The following SERPINB7 variants were observed in gnomAD, a reference collection of about 807,000 sequenced individuals.
SERPINB7 encodes serpin B7.
SERPINB7 carries 31 observed loss-of-function variants against 37.4 expected under a neutral mutation model. That is an observed-to-expected ratio of 0.83 (90% CI 0.62 to 1.12). SERPINB7 has a LOEUF of 1.12. Among genes scored for constraint, SERPINB7 ranks in the 50% most tolerant of loss-of-function variants. The pLI, the probability that SERPINB7 is intolerant of heterozygous loss-of-function variation, is 0.00. For missense variants in SERPINB7, 521 were observed against 455.3 expected (o/e 1.14, Z -1.31); for synonymous variants, 163 against 166.1 (o/e 0.98, Z 0.14).
At chr18:63,762,282 A>G (rs1367551606) in intron 1 of SERPINB7, among the ~76,000 whole-genome samples, 1 of 152,202 alleles carries the variant, frequency 6.6e-6, no homozygotes, top group African/African-American at 2.4e-5. Context: ...TCAAAGGGCA[A>G]ATTTATTAAA....
intron 4 of SERPINB7, among the ~76,000 whole-genome samples, chr18:63,795,576 T>TAAAAA (rs5825537): frequency 1.7e-5 from 2 of 115,780 alleles, no homozygotes; most frequent in South Asian, 2.5e-4. Flanking sequence ...AAAAAAGAAT[T>TAAAAA]AAAAAAAAAA....
At chr18:63,766,283 C>A (rs1238826750) in intron 1 of SERPINB7, among the ~76,000 whole-genome samples, 1 of 152,134 alleles carries the variant, frequency 6.6e-6, no homozygotes, top group Non-Finnish European at 1.5e-5. Flanking sequence ...TTTCTTTCAA[C>A]TAAACAAAAT....
At chr18:63,762,393 G>A (rs535332089) in intron 1 of SERPINB7, among the ~76,000 whole-genome samples, 2 of 152,242 alleles carry the variant, frequency 1.3e-5, no homozygotes, top group East Asian at 3.9e-4. Context: ...AGTCTTTGTA[G>A]GTTGATTCAG....
At chr18:63,772,408 A>G (rs2049216561), upstream of SERPINB7, among the ~76,000 whole-genome samples, 1 of 152,104 alleles carries the variant, frequency 6.6e-6, no homozygotes, top group Non-Finnish European at 1.5e-5. Context: ...TTAAAGGATA[A>G]GAAAATAGAG....
chr18:63,758,889 G>C (rs780845548), intron 1 of SERPINB7, among the ~76,000 whole-genome samples: 16 of 152,230 alleles, frequency 1.1e-4, no homozygotes, highest in Non-Finnish European at 2.1e-4. Flanking sequence ...TGTGCTGAGT[G>C]GTGGGGTCCA....
At chr18:63,772,313 A>G (rs770923416), upstream of SERPINB7, among the ~76,000 whole-genome samples, 19 of 152,222 alleles carry the variant, frequency 1.2e-4, no homozygotes, top group Non-Finnish European at 1.6e-4. Flanking sequence ...AATTAAAATT[A>G]AAGTGAGGAT....
At chr18:63,769,698 G>T (rs2049199452) in intron 1 of SERPINB7, among the ~76,000 whole-genome samples, 1 of 151,994 alleles carries the variant, frequency 6.6e-6, no homozygotes, top group Non-Finnish European at 1.5e-5. Context: ...CCCTGTTTTT[G>T]CACTACCCAG....
intron 1 of SERPINB7, 33 bp from the exon 2 acceptor site, chr18:63,782,322 G>A (rs369918504): frequency 3.4e-5 from 43 of 1,254,172 alleles, no homozygotes; most frequent in Admixed American, 7.6e-5. Context: ...AAAATGTACC[G>A]GGAACTAATT....
At chr18:63,771,410 T>C (rs1181850617), upstream of SERPINB7, among the ~76,000 whole-genome samples, 2 of 152,106 alleles carry the variant, frequency 1.3e-5, no homozygotes, top group Non-Finnish European at 2.9e-5. Context: ...TTTTATTTTA[T>C]ATCTTATTTA....
At chr18:63,803,519 G>C (rs2049571972) in intron 7 of SERPINB7, among the ~76,000 whole-genome samples, 1 of 152,180 alleles carries the variant, frequency 6.6e-6, no homozygotes, top group Non-Finnish European at 1.5e-5. Flanking sequence ...CAGTATTCAA[G>C]AGCTGGTGAA....
At chr18:63,783,214 GAGAGAGAGAGAGAGAGAGAGAAAGAA>G (rs1426285875) in intron 2 of SERPINB7, among the ~76,000 whole-genome samples, 50 of 69,974 alleles carry the variant, frequency 7.1e-4, no homozygotes, top group East Asian at 5.2e-3. Context: ...GAGAGAGAGA[GAGAGAGAGAGAGAGAGAGAGAAAGAA>G]AGAAAGAAAG....
intron 2 of SERPINB7, among the ~76,000 whole-genome samples, chr18:63,783,975 T>G (rs2049339380): frequency 6.6e-6 from 1 of 152,204 alleles, no homozygotes; most frequent in African/African-American, 2.4e-5. Context: ...TAGACTGCTG[T>G]TTTTTTCAAG....
In SERPINB7 at chr18:63,781,054, A is replaced by C. The variant is rs112477968; in HGVS notation, c.-18-1301A>C. ...CCATTTGACATAATAAAAGTTAAAA[A>C]ACTTATTTTAATTTCATTTACAATT... is the stretch of plus-strand genomic sequence containing the variant. On this transcript the variant is annotated intron_variant, in intron 1 of 7. Transcript: ENST00000398019. Among the ~76,000 whole-genome samples, 12 of 152,330 alleles carry C rather than the reference A, an allele frequency of 7.9e-5. 1 individual carries two copies. Among genetic ancestry groups the C allele is most frequent in the African/African-American group, 2.9e-4 (12 of 41,576 alleles).
Position 63,793,242 on chromosome 18 carries a change from G to A in SERPINB7, c.301G>A (p.Gly101Arg), listed in dbSNP as rs372956624. ...GGATTATGATCTCAGCATTGTGAAT[G>A]GGCTTTTTGCTGAAAAAGTGTATGG... Reference protein sequence around the residue: ...HKDYDLSIVNGLFAEKVYGFH... With the variant: ...HKDYDLSIVNRLFAEKVYGFH... Residue 101 changes from glycine (G) to arginine (R), a missense_variant, in exon 4 of 8, where the codon GGG becomes AGG. Coordinates refer to ENST00000398019, the MANE Select transcript of SERPINB7 (RefSeq NM_003784.4). The A allele has an allele frequency of 4.4e-6, 7 of 1,605,522 alleles. No homozygotes were observed. The East Asian group carries it at 1.6e-4, about 36-fold the overall frequency.
chr18:63,797,314 G>A (rs763187532), intron 5 of SERPINB7, among the ~76,000 whole-genome samples: 2 of 152,168 alleles, frequency 1.3e-5, no homozygotes, highest in African/African-American at 2.4e-5. Flanking sequence ...TAAGAATGCA[G>A]TGTATAAATT....
intron 1 of SERPINB7, among the ~76,000 whole-genome samples, chr18:63,766,109 C>T (rs1019203492): frequency 2.6e-5 from 4 of 152,086 alleles, no homozygotes; most frequent in Admixed American, 2.6e-4. Flanking sequence ...AACTGTGTAA[C>T]TCCTCTCTTG....
In SERPINB7 at chr18:63,804,428, G is replaced by T. The variant is rs34505921; in HGVS notation, c.936G>T (p.Ser312=). 46,487 of 1,613,560 alleles carry T rather than the reference G, an allele frequency of 0.029. 917 individuals are homozygous for T. The highest frequency in any genetic ancestry group is 0.077 in the African/African-American group (5,806 of 74,968). ...AAGCAGATCTCTCTGGGATTGCTTC[G>T]GGGGGTCGTCTGTATATATCAAGGA... ...ESKADLSGIA[S]GGRLYISRMM... is the part of the protein sequence containing the mutation. The change falls in exon 8 of 8, where the codon TCG becomes TCT. Residue 312 remains serine (S), a synonymous_variant. Coordinates refer to ENST00000398019, the MANE Select transcript of SERPINB7 (RefSeq NM_003784.4).
chr18:63,793,053 A>T, intron 3 of SERPINB7, 108 bp from the exon 4 acceptor site: 1 of 507,678 alleles, frequency 2.0e-6, no homozygotes, highest in Non-Finnish European at 3.4e-6. Context: ...ATAGTATTTA[A>T]AAAAATTCTT....
intron 1 of SERPINB7, among the ~76,000 whole-genome samples, chr18:63,779,332 C>T (rs1042062849): frequency 3.3e-5 from 5 of 152,100 alleles, no homozygotes; most frequent in Non-Finnish European, 1.5e-5. Context: ...ATAAAACAAT[C>T]AGTTCAGTCT....
Sources: allele counts gnomAD v4.1 joint callset (sites outside exome capture counted in the v4.1 genomes callset), GRCh38; gene constraint gnomAD v4.1.1; transcripts MANE v1.5; gene names NCBI Gene and HGNC (gene_info 2026-07-23, HGNC 2026-07-21).